Variants in TCAIM observed in about 807,000 individuals in gnomAD.
TCAIM encodes T-cell activation inhibitor, mitochondrial.
TCAIM carries 36 observed loss-of-function variants against 58.6 expected under a neutral mutation model. The ratio of observed to expected loss-of-function variants is 0.61; its 90% CI spans 0.47 to 0.81. The LOEUF is 0.81. Among genes scored for constraint, TCAIM ranks in the 30% least tolerant of loss-of-function variants. TCAIM has a pLI of 0.00. For missense variants in TCAIM, 466 were observed against 579.6 expected, an observed-to-expected ratio of 0.80 and a Z score of 2.01; for synonymous variants, 172 against 193.6, an observed-to-expected ratio of 0.89 and a Z score of 0.93.
chr3:44,342,982 C>G lies in TCAIM; in HGVS notation c.-45+4148C>G, dbSNP rs62253869. 3.3e-3 allele frequency among the ~76,000 whole-genome samples: 504 copies of G among 151,928 alleles called. 2 individuals carry two copies. Among genetic ancestry groups the G allele is most frequent in the Non-Finnish European group, 4.3e-3 (294 of 67,952 alleles). ...AGAAACTCCATCTCTACTAAAAATA[C>G]AAAAATTCGCTGGGTGCGGTGGCAG... On this transcript the variant is annotated intron_variant, in intron 1 of 10. Coordinates refer to ENST00000342649, the MANE Select transcript of TCAIM (RefSeq NM_173826.4).
chr3:44,372,322 G>GTGAC lies in TCAIM; in HGVS notation c.572+4617_572+4620dup, dbSNP rs552049315. On this transcript the variant is annotated intron_variant, in intron 5 of 10. Transcript: ENST00000342649. ...AGAGCTTTCAAATCATGTGAATCAA[G>GTGAC]TGACTGCCTAGTAGAGAGATTCATG... Among the ~76,000 whole-genome samples the GTGAC allele has an allele frequency of 2.6e-4, 40 of 152,260 alleles. No homozygotes were observed. The East Asian group carries it at 5.2e-3, about 20-fold the overall frequency.
intron 6 of TCAIM, among the ~76,000 whole-genome samples, chr3:44,393,603 TA>T (rs1455408596): frequency 6.6e-6 from 1 of 152,044 alleles, no homozygotes; most frequent in African/African-American, 2.4e-5. Context: ...ACATAATATA[TA>T]AAAAATAATT....
chr3:44,372,030 G>GA (rs1701481460), intron 5 of TCAIM, among the ~76,000 whole-genome samples: 1 of 140,454 alleles, frequency 7.1e-6, no homozygotes, highest in Non-Finnish European at 1.6e-5. Context: ...AGGAAGGAAG[G>GA]AAGGAAGGAA....
chr3:44,341,163 G>A (rs1700848239), intron 1 of TCAIM: 1 of 152,006 alleles, frequency 6.6e-6, no homozygotes, highest in African/African-American at 2.4e-5. Context: ...GTGGGAGAGA[G>A]GAGAATTATT....
chr3:44,346,629 C>A (rs755220979), intron 1 of TCAIM, among the ~76,000 whole-genome samples: 26 of 152,168 alleles, frequency 1.7e-4, no homozygotes, highest in Non-Finnish European at 3.5e-4. Flanking sequence ...AAGAGGCACG[C>A]TAGCGGCTTG....
chr3:44,392,736 T>G, intron 5 of TCAIM, 119 bp from the exon 6 acceptor site: 2 of 906,238 alleles, frequency 2.2e-6, no homozygotes, highest in Non-Finnish European at 1.6e-6. Context: ...TTGATTGGCA[T>G]TTAGGTTGAT....
intron 6 of TCAIM, among the ~76,000 whole-genome samples, chr3:44,395,587 A>G (rs559327784): frequency 1.6e-4 from 24 of 152,346 alleles, no homozygotes; most frequent in Non-Finnish European, 3.1e-4. Context: ...GGCCTCTGAC[A>G]TCGTGTCAGT....
intron 5 of TCAIM, among the ~76,000 whole-genome samples, chr3:44,372,404 G>A (rs1701492765): frequency 6.6e-6 from 1 of 152,062 alleles, no homozygotes; most frequent in South Asian, 2.1e-4. Context: ...GCCATATGCA[G>A]TTTAAATTTT....
chr3:44,385,815 A>G (rs1701730344), intron 5 of TCAIM, among the ~76,000 whole-genome samples: 1 of 152,140 alleles, frequency 6.6e-6, no homozygotes, highest in African/African-American at 2.4e-5. Flanking sequence ...GATTTGATCA[A>G]AATTCAGAAA....
Position 44,409,097 on chromosome 3 carries a change from G to A in TCAIM, c.*1415G>A, listed in dbSNP as rs560147091. 1.3e-5 allele frequency: 2 copies of A among 152,294 alleles called. No individual in the cohort carries two copies. Among genetic ancestry groups the A allele is most frequent in the African/African-American group, 4.8e-5 (2 of 41,560 alleles). The allele number at this position is 152,294 out of a possible 1,614,324, so 9.4% of individuals were successfully genotyped here. On this transcript the variant is annotated 3_prime_UTR_variant, in exon 11 of 11. Coordinates refer to ENST00000342649, the MANE Select transcript of TCAIM (RefSeq NM_173826.4). ...AGAGATGTTAAAATAAGTTCTTGAA[G>A]TATGTTTTATATTTATCTAAAACAC...
intron 3 of TCAIM, chr3:44,359,621 C>T (rs568868350): frequency 1.3e-5 from 2 of 152,298 alleles, no homozygotes; most frequent in African/African-American, 4.8e-5. Context: ...GGTGGCAACA[C>T]TTTTACGTAT....
At chr3:44,389,757 AAC>A (rs1491014565) in intron 5 of TCAIM, among the ~76,000 whole-genome samples, 1 of 151,424 alleles carries the variant, frequency 6.6e-6, no homozygotes, top group African/African-American at 2.4e-5. Flanking sequence ...AAAAAAAAAA[AAC>A]ATCGAACACT....
intron 5 of TCAIM, among the ~76,000 whole-genome samples, chr3:44,370,779 T>C (rs1423454578): frequency 6.7e-6 from 1 of 150,314 alleles, no homozygotes; most frequent in Non-Finnish European, 1.5e-5. Context: ...AGGGTCTTAC[T>C]CTGTCAGGTT....
chr3:44,397,688 T>C (rs948346158), intron 8 of TCAIM, among the ~76,000 whole-genome samples: 1 of 152,198 alleles, frequency 6.6e-6, no homozygotes, highest in African/African-American at 2.4e-5. Flanking sequence ...TTTTAACTTT[T>C]TAAAAAACTG....
intron 5 of TCAIM, among the ~76,000 whole-genome samples, chr3:44,390,031 C>T (rs1559579636): frequency 6.6e-6 from 1 of 152,176 alleles, no homozygotes; most frequent in Non-Finnish European, 1.5e-5. Context: ...CAGAATCTTC[C>T]AGGAAGAATT....
chr3:44,397,948 C>G (rs1307615339), intron 8 of TCAIM, among the ~76,000 whole-genome samples: 1 of 151,060 alleles, frequency 6.6e-6, no homozygotes, highest in Non-Finnish European at 1.5e-5. Context: ...TTCAAACTCT[C>G]AAATTTCAGC....
chr3:44,400,458 A>G lies in TCAIM; in HGVS notation c.989A>G (p.Glu330Gly). Residue 330 changes from glutamate to glycine, a missense_variant, in exon 9 of 11, where the codon GAA becomes GGA. Coordinates refer to ENST00000342649, the MANE Select transcript of TCAIM (RefSeq NM_173826.4). ...GGTGGCATACAAGTTGTTTATATTGAAGAATTACAGCCAGTATTGACACTT... is the reference window on the plus strand; with the variant it reads ...GGTGGCATACAAGTTGTTTATATTGGAGAATTACAGCCAGTATTGACACTT... Reference protein sequence around the residue: ...LLGGIQVVYIEELQPVLTLEE... With the variant: ...LLGGIQVVYIGELQPVLTLEE... 1.2e-6 allele frequency: 2 copies of G among 1,613,852 alleles called. No homozygotes were observed. The highest frequency in any genetic ancestry group is 8.5e-7 in the Non-Finnish European group (1 of 1,179,858).
chr3:44,384,471 G>A (rs1403320787), intron 5 of TCAIM, among the ~76,000 whole-genome samples: 1 of 152,178 alleles, frequency 6.6e-6, no homozygotes, highest in Non-Finnish European at 1.5e-5. Flanking sequence ...CCTCATGGGG[G>A]TAATAGGATA....
chr3:44,346,490 G>A (rs199711760), intron 1 of TCAIM, among the ~76,000 whole-genome samples: 23 of 152,282 alleles, frequency 1.5e-4, no homozygotes, highest in Admixed American at 5.2e-4. Flanking sequence ...GCAAATCCCC[G>A]AGCTTGATGT....
Sources: allele counts gnomAD v4.1 joint callset (sites outside exome capture counted in the v4.1 genomes callset), GRCh38; gene constraint gnomAD v4.1.1; transcripts MANE v1.5; gene names NCBI Gene and HGNC (gene_info 2026-07-23, HGNC 2026-07-21).